Variants in RERG observed in about 807,000 individuals in gnomAD.
RERG encodes RAS like estrogen regulated growth inhibitor, also known as ras-related and estrogen-regulated growth inhibitor.
RERG carries 25 observed loss-of-function variants against 23.2 expected under a neutral mutation model. The ratio of observed to expected loss-of-function variants is 1.08; its 90% CI spans 0.79 to 1.50. The LOEUF (loss-of-function observed/expected upper bound fraction) is 1.50. Among genes scored for constraint, RERG ranks in the 40% most tolerant of loss-of-function variants. The pLI, the probability that RERG is intolerant of heterozygous loss-of-function variation, is 0.00. For missense variants in RERG, 253 were observed against 250.1 expected (o/e 1.01, Z -0.08); for synonymous variants, 81 against 89.1 (o/e 0.91, Z 0.51).
chr12:15,208,079 A>C (rs1865317378), intron 2 of RERG, among the ~76,000 whole-genome samples: 1 of 152,160 alleles, frequency 6.6e-6, no homozygotes, highest in Non-Finnish European at 1.5e-5. Flanking sequence ...GCCTCATCCA[A>C]TTCTTGGACG....
At chr12:15,155,489 C>T (rs1864508384) in intron 2 of RERG, among the ~76,000 whole-genome samples, 1 of 152,148 alleles carries the variant, frequency 6.6e-6, no homozygotes, top group African/African-American at 2.4e-5. Flanking sequence ...GCCCAGCTTG[C>T]CAGAGCACTG....
At chr12:15,218,710 C>T (rs930745302) in intron 1 of RERG, among the ~76,000 whole-genome samples, 2 of 151,924 alleles carry the variant, frequency 1.3e-5, no homozygotes, top group Admixed American at 6.6e-5. Context: ...TTCAAGGATC[C>T]TAGCATCTAG....
At chr12:15,133,170 T>C (rs1864084227) in intron 2 of RERG, among the ~76,000 whole-genome samples, 1 of 144,716 alleles carries the variant, frequency 6.9e-6, no homozygotes, top group Non-Finnish European at 1.5e-5. Context: ...TATATATATA[T>C]ATATGTACAT....
intron 2 of RERG, among the ~76,000 whole-genome samples, chr12:15,169,920 ATGTGTGTGTGTGTGTGTGTGTGTG>A (rs61079713): frequency 2.9e-5 from 4 of 137,592 alleles, no homozygotes; most frequent in Admixed American, 7.4e-5. Flanking sequence ...TCTGCTAAAA[ATGTGTGTGTGTGTGTGTGTGTGTG>A]TGTGTGTGTG....
At chr12:15,193,495 T>A (rs1310714502) in intron 2 of RERG, among the ~76,000 whole-genome samples, 1 of 152,152 alleles carries the variant, frequency 6.6e-6, no homozygotes, top group Non-Finnish European at 1.5e-5. Context: ...CTCCAAAAAC[T>A]CCATCTGCCT....
chr12:15,188,873 A>G (rs1046264983), intron 2 of RERG, among the ~76,000 whole-genome samples: 1 of 152,122 alleles, frequency 6.6e-6, no homozygotes, highest in Non-Finnish European at 1.5e-5. Context: ...AGTTATGGGA[A>G]TGCCTCAGAC....
intron 2 of RERG, among the ~76,000 whole-genome samples, chr12:15,191,049 T>G (rs1865063525): frequency 6.6e-6 from 1 of 152,142 alleles, no homozygotes; most frequent in Non-Finnish European, 1.5e-5. Context: ...TTTAATTATG[T>G]AAGTGGCATC....
chr12:15,126,835 A>G (rs1482614197), intron 2 of RERG, among the ~76,000 whole-genome samples: 1 of 147,044 alleles, frequency 6.8e-6, no homozygotes, highest in Admixed American at 7.0e-5. Flanking sequence ...CTCCTGCCTC[A>G]GCCTCCCCAG....
intron 2 of RERG, among the ~76,000 whole-genome samples, chr12:15,145,924 T>C (rs1163191763): frequency 2.8e-4 from 42 of 152,236 alleles, no homozygotes; most frequent in Admixed American, 2.7e-3. Flanking sequence ...TTTCCATGCC[T>C]ACGGTGGTTG....
At chr12:15,202,830 G>T (rs1168835451) in intron 2 of RERG, among the ~76,000 whole-genome samples, 1 of 151,638 alleles carries the variant, frequency 6.6e-6, no homozygotes. Context: ...TGGAATTGCT[G>T]GATCATATGG....
chr12:15,215,177 G>C (rs955234274), intron 2 of RERG, among the ~76,000 whole-genome samples: 1 of 152,202 alleles, frequency 6.6e-6, no homozygotes, highest in Non-Finnish European at 1.5e-5. Context: ...AAGAAACTTA[G>C]TGAGCAATTT....
chr12:15,212,042 CTTTTTTTTTTT>C (rs772353150), intron 2 of RERG, among the ~76,000 whole-genome samples: 42 of 64,730 alleles, frequency 6.5e-4, no homozygotes, highest in Non-Finnish European at 6.1e-4. Context: ...CACGAATAAA[CTTTTTTTTTTT>C]TTTTTTTTTT....
At chr12:15,202,829 T>C (rs1865236038) in intron 2 of RERG, among the ~76,000 whole-genome samples, 2 of 151,772 alleles carry the variant, frequency 1.3e-5, no homozygotes, top group Admixed American at 1.3e-4. Context: ...GTGGAATTGC[T>C]GGATCATATG....
intron 2 of RERG, among the ~76,000 whole-genome samples, chr12:15,210,165 T>C (rs964322129): frequency 1.3e-5 from 2 of 152,160 alleles, no homozygotes; most frequent in Non-Finnish European, 2.9e-5. Flanking sequence ...AACCCATAAG[T>C]TGGAGAAATA....
At position 15,125,703 on chromosome 12, in the gene RERG, G is replaced by A. The variant is rs368999297; in HGVS notation, c.62-4584C>T. Among the ~76,000 whole-genome samples the A allele has an allele frequency of 1.8e-3, 273 of 151,810 alleles. 10 individuals are homozygous for A. The South Asian group carries it at 0.055, about 31-fold the overall frequency. On this transcript the variant is annotated intron_variant, in intron 2 of 4. Coordinates refer to ENST00000256953, the MANE Select transcript of RERG (RefSeq NM_032918.3). Reference sequence around the variant, plus strand: ...GAATGAGAGGATTTAATACAACATGGGAACTGTTTTCTCATTTCATTAAGC... The same window carrying A: ...GAATGAGAGGATTTAATACAACATGAGAACTGTTTTCTCATTTCATTAAGC...
chr12:15,141,746 T>C (rs1249225610), intron 2 of RERG, among the ~76,000 whole-genome samples: 1 of 152,216 alleles, frequency 6.6e-6, no homozygotes, highest in Non-Finnish European at 1.5e-5. Flanking sequence ...TTTGTAAGAA[T>C]GGAAGTGATG....
At chr12:15,191,081 ATAGGT>A (rs1865064286) in intron 2 of RERG, among the ~76,000 whole-genome samples, 1 of 152,116 alleles carries the variant, frequency 6.6e-6, no homozygotes, top group Admixed American at 6.6e-5. Flanking sequence ...GCCATTTCCT[ATAGGT>A]TAGAAGACAG....
rs1863558503 is a variant in RERG at position 15,109,330 on chromosome 12, T to C, written c.380A>G (p.Gln127Arg). 3 of 1,614,004 alleles carry C rather than the reference T, an allele frequency of 1.9e-6. No individual in the cohort carries two copies. Among genetic ancestry groups the C allele is most frequent in the Admixed American group, 1.7e-5 (1 of 59,986 alleles). Residue 127 changes from glutamine (Q) to arginine (R), a missense_variant, in exon 5 of 5, where the codon CAG becomes CGG. Coordinates refer to ENST00000256953, the MANE Select transcript of RERG (RefSeq NM_032918.3). ...GNKADLDHSR[Q>R]VSTEEGEKLA... ...CTTCTCTCCTTCTTCTGTGCTAACC[T>C]GCCTGGAGTGGTCCAAGTCAGCTTT...
intron 2 of RERG, among the ~76,000 whole-genome samples, chr12:15,196,747 T>A (rs933774871): frequency 1.8e-4 from 28 of 152,124 alleles, no homozygotes; most frequent in African/African-American, 6.8e-4. Context: ...TTCATTGAGG[T>A]AGGTATTTTG....
Sources: allele counts gnomAD v4.1 joint callset (sites outside exome capture counted in the v4.1 genomes callset), GRCh38; gene constraint gnomAD v4.1.1; transcripts MANE v1.5; gene names NCBI Gene and HGNC (gene_info 2026-07-23, HGNC 2026-07-21).